The following JAG1 variants were observed in gnomAD, a reference collection of about 807,000 sequenced individuals.
The protein encoded by JAG1 is jagged canonical Notch ligand 1.
JAG1 carries 23 observed loss-of-function variants against 148.7 expected under a neutral mutation model. The observed-to-expected ratio is 0.15, with a 90% CI of 0.11 to 0.22. The LOEUF is 0.22. Ranked by LOEUF, JAG1 falls within the 10% of genes least tolerant of loss-of-function variation. The probability of loss-of-function intolerance (pLI) is 1.00; values close to 1 mark genes in which losing one functional copy is unlikely to be tolerated. For synonymous variants in JAG1, 572 were observed against 598.3 expected (o/e 0.96, Z 0.64); for missense variants, 1,054 against 1,611.2 (o/e 0.65, Z 5.92).
intron 19 of JAG1, among the ~76,000 whole-genome samples, 192 bp downstream of exon 19, chr20:10,644,165 T>C (rs1168959409): frequency 6.6e-6 from 1 of 152,072 alleles, no homozygotes; most frequent in Non-Finnish European, 1.5e-5. Context: ...GTGTGGTCCA[T>C]GGGGCAGCAG....
At chr20:10,641,086 TGAG>T in intron 24 of JAG1, 24 bp downstream of exon 24, 2 of 1,614,048 alleles carry the variant, frequency 1.2e-6, no homozygotes, top group East Asian at 4.5e-5. Context: ...CATCGAATAA[TGAG>T]GTGTGAATGG....
intron 12 of JAG1, 137 bp from the exon 13 acceptor site, chr20:10,648,247 T>A: frequency 9.7e-7 from 1 of 1,033,908 alleles, no homozygotes; most frequent in South Asian, 1.3e-5. Context: ...GTAAGATACA[T>A]CTCTATGCTG....
In JAG1 at chr20:10,639,437, G is replaced by T. The variant is rs2067254596; in HGVS notation, c.*61C>A. ...ACGGCCTCAGACTCGAGTATGACAC[G>T]ACAGTTTAAAGAACTACAAGCCCTC... On this transcript the variant is annotated 3_prime_UTR_variant, in exon 26 of 26. Transcript: ENST00000254958. The T allele has an allele frequency of 4.2e-6, 6 of 1,425,834 alleles. No individual in the cohort carries two copies. The Admixed American group carries it at 5.0e-5, about 12-fold the overall frequency. 88.3% of individuals were successfully genotyped at this position (1,425,834 alleles called of 1,614,324 possible).
chr20:10,669,424 G>A (rs2067479480), intron 2 of JAG1, among the ~76,000 whole-genome samples: 2 of 151,610 alleles, frequency 1.3e-5, no homozygotes, highest in Admixed American at 1.3e-4. Context: ...AGGCATAAAA[G>A]TAAGGGCCTG....
intron 2 of JAG1, among the ~76,000 whole-genome samples, chr20:10,666,393 C>G (rs2067454319): frequency 6.6e-6 from 1 of 152,154 alleles, no homozygotes; most frequent in African/African-American, 2.4e-5. Context: ...GGGACCAGGC[C>G]ACAGAGCAGC....
chr20:10,649,120 TAA>T lies in JAG1; in HGVS notation c.1349-15_1349-14del, dbSNP rs1172620348. 8 of 1,579,138 alleles carry T rather than the reference TAA, an allele frequency of 5.1e-6. No individual in the cohort carries two copies. The highest frequency in any genetic ancestry group is 6.1e-6 in the Non-Finnish European group (7 of 1,148,296). On this transcript the variant is annotated splice_polypyrimidine_tract_variant and intron_variant, in intron 10 of 25. Coordinates refer to ENST00000254958, the MANE Select transcript of JAG1 (RefSeq NM_000214.3). ...CAGTCATTAATATCTAAAAAATAAA[TAA>T]GTCATCATTTTAAAGAGGTAATTTA...
intron 2 of JAG1, among the ~76,000 whole-genome samples, chr20:10,671,967 C>T (rs1271120478): frequency 2.0e-5 from 3 of 151,612 alleles, no homozygotes; most frequent in African/African-American, 7.3e-5. Context: ...CCGCCCTTCC[C>T]GGGGAAGTCT....
At chr20:10,646,555 C>A (rs1161709021) in intron 14 of JAG1, among the ~76,000 whole-genome samples, 1 of 151,676 alleles carries the variant, frequency 6.6e-6, no homozygotes, top group Non-Finnish European at 1.5e-5. Context: ...GTAATCCCAG[C>A]ACTTTGGGAG....
At chr20:10,668,407 G>A (rs965508430) in intron 2 of JAG1, among the ~76,000 whole-genome samples, 1 of 152,194 alleles carries the variant, frequency 6.6e-6, no homozygotes, top group Non-Finnish European at 1.5e-5. Flanking sequence ...ATGGGGGTAG[G>A]TGGAAGAGCA....
chr20:10,669,940 T>C (rs1029976618), intron 2 of JAG1, among the ~76,000 whole-genome samples: 29 of 152,170 alleles, frequency 1.9e-4, no homozygotes, highest in African/African-American at 7.0e-4. Context: ...GTCCCCCAAT[T>C]TGAGAATCAT....
intron 18 of JAG1, 140 bp downstream of exon 18, chr20:10,644,723 C>T: frequency 1.3e-6 from 1 of 766,230 alleles, no homozygotes; most frequent in Non-Finnish European, 2.4e-6. Flanking sequence ...GGCTGTATCC[C>T]ATCAAGTCAT....
chr20:10,649,213 C>T, intron 10 of JAG1, 106 bp from the exon 11 acceptor site: 1 of 813,114 alleles, frequency 1.2e-6, no homozygotes. Flanking sequence ...AATCAGATTT[C>T]CTGTGTGCTT....
intron 5 of JAG1, among the ~76,000 whole-genome samples, chr20:10,655,347 C>T (rs1293296599): frequency 1.3e-5 from 2 of 152,148 alleles, no homozygotes; most frequent in African/African-American, 4.8e-5. Context: ...GGGACGGAGC[C>T]CACGAACCTG....
At chr20:10,668,803 T>C (rs189346518) in intron 2 of JAG1, among the ~76,000 whole-genome samples, 5 of 152,188 alleles carry the variant, frequency 3.3e-5, no homozygotes, top group Admixed American at 6.5e-5. Context: ...TTCTGGGAGG[T>C]TGCATGCCTG....
At chr20:10,642,689 C>T (rs187273852) in intron 20 of JAG1, 88 bp from the exon 21 acceptor site, 18 of 799,668 alleles carry the variant, frequency 2.3e-5, no homozygotes, top group African/African-American at 1.7e-4. Flanking sequence ...ACAAGAAAAG[C>T]ATATCATCAT....
chr20:10,652,338 A>C, intron 6 of JAG1, 88 bp from the exon 7 acceptor site: 2 of 1,600,256 alleles, frequency 1.2e-6, no homozygotes, highest in Non-Finnish European at 1.7e-6. Flanking sequence ...TTTTAAAAAG[A>C]AAAACCAGAA....
In JAG1 at chr20:10,642,582, A is replaced by G; in HGVS notation, c.2478T>C (p.Ser826=). Residue 826 remains serine, a synonymous_variant, in exon 21 of 26, where the codon TCT becomes TCC. Transcript: ENST00000254958. ...DCRININECQ[S]SPCAFGATCV... ...AGGTCGCTCCAAAGGCACAAGGTGA[A>G]GACTGGCATTCATTGATGTCTAGGA... 6.2e-7 allele frequency: 1 copy of G among 1,611,666 alleles called. No homozygotes were observed. The highest frequency in any genetic ancestry group is 8.5e-7 in the Non-Finnish European group (1 of 1,177,758).
chr20:10,658,212 G>A (rs571555307), intron 4 of JAG1, among the ~76,000 whole-genome samples: 3 of 152,170 alleles, frequency 2.0e-5, no homozygotes, highest in South Asian at 4.1e-4. Flanking sequence ...GGCCAAGGAC[G>A]AGTCTCCTGA....
At chr20:10,650,446 G>C in intron 8 of JAG1, 86 bp from the exon 9 acceptor site, 1 of 786,140 alleles carries the variant, frequency 1.3e-6, no homozygotes, top group Non-Finnish European at 2.2e-6. Flanking sequence ...TTACATGAGG[G>C]GCTGTCATTG....
Sources: allele counts gnomAD v4.1 joint callset (sites outside exome capture counted in the v4.1 genomes callset), GRCh38; gene constraint gnomAD v4.1.1; transcripts MANE v1.5; gene names NCBI Gene and HGNC (gene_info 2026-07-23, HGNC 2026-07-21).